RBFOX2: variants seen among roughly 807,000 people sequenced by gnomAD.
RBFOX2 encodes the protein RNA binding fox-1 homolog 2.
In RBFOX2, 10 loss-of-function variants were observed where a neutral mutation model predicts 49.1. That is an observed-to-expected ratio of 0.20 (90% CI 0.13 to 0.35). The LOEUF (loss-of-function observed/expected upper bound fraction) is 0.35, where lower values mean the gene tolerates loss of function less well. Among genes scored for constraint, RBFOX2 ranks in the 10% least tolerant of loss-of-function variants. RBFOX2 has a pLI of 1.00. For synonymous variants in RBFOX2, 183 were observed against 187.4 expected (o/e 0.98, Z 0.19); for missense variants, 323 against 486.9 (o/e 0.66, Z 3.17).
rs562271828 is a variant in RBFOX2, at chr22:36,009,295, G to A, written c.186+18945C>T. On this transcript the variant is annotated intron_variant, in intron 1 of 13. Coordinates refer to the RBFOX2 transcript ENST00000438146. ...ATCTCCATTTTACAAATAAAAAACT[G>A]AAGCACAGAGGGGCTAAGTAACTTG... 1.3e-4 allele frequency among the ~76,000 whole-genome samples: 20 copies of A among 152,272 alleles called. 1 individual carries two copies. The South Asian group carries it at 3.5e-3, about 27-fold the overall frequency.
rs1569470660 is a variant in RBFOX2 at position 35,897,915 on chromosome 22, T to C, written c.-34+40932A>G. 9.6e-6 allele frequency: 7 copies of C among 729,382 alleles called. No individual in the cohort carries two copies. The South Asian group carries it at 1.0e-4, about 11-fold the overall frequency. The allele number at this position is 729,382 out of a possible 1,614,324, so 45.2% of individuals were successfully genotyped here. A position where few individuals can be genotyped will look rare whatever the true frequency, so the allele number is the denominator to read the frequency against. ...CATTCAGATGTGCAACATGAATGAA[T>C]TTTCCAACTTCAGCTTCCTTGGACA... is the stretch of plus-strand genomic sequence containing the variant. On this transcript the variant is annotated intron_variant, in intron 1 of 13. Transcript: ENST00000359369.
At chr22:35,848,549 A>G (rs903258046) in intron 1 of RBFOX2, among the ~76,000 whole-genome samples, 3 of 152,180 alleles carry the variant, frequency 2.0e-5, no homozygotes, top group Non-Finnish European at 4.4e-5. Context: ...AACAGGCCCA[A>G]TCCAAAATAG....
At chr22:36,023,002 T>C (rs1434370416) in intron 1 of RBFOX2, among the ~76,000 whole-genome samples, 1 of 152,050 alleles carries the variant, frequency 6.6e-6, no homozygotes, top group East Asian at 1.9e-4. Flanking sequence ...CCAAGGACAC[T>C]GGGACAGGGA....
chr22:35,769,289 A>G (rs181974223), intron 4 of RBFOX2, among the ~76,000 whole-genome samples: 7 of 152,282 alleles, frequency 4.6e-5, no homozygotes, highest in African/African-American at 1.7e-4. Context: ...GAAAACAGCA[A>G]TGCAGCTGGT....
chr22:35,868,959 C>A lies in RBFOX2; in HGVS notation c.-33-58955G>T, dbSNP rs116103289. The stretch of plus-strand genomic sequence containing the variant: ...CCCCCAAGTCTACTTCCTAATGCTA[C>A]CTCTTTTGAATGTTTTCCTTTGGTT... On this transcript the variant is annotated intron_variant, in intron 1 of 13. Coordinates refer to the RBFOX2 transcript ENST00000359369. Among the ~76,000 whole-genome samples, 393 of 152,292 alleles carry A rather than the reference C, an allele frequency of 2.6e-3. 4 individuals are homozygous for A. Among genetic ancestry groups the A allele is most frequent in the African/African-American group, 9.2e-3 (384 of 41,550 alleles).
At chr22:35,798,676 A>T (rs939257248) in intron 2 of RBFOX2, among the ~76,000 whole-genome samples, 2 of 152,194 alleles carry the variant, frequency 1.3e-5, no homozygotes, top group African/African-American at 4.8e-5. Flanking sequence ...ACTATTAAGT[A>T]GTTATTGCCC....
At chr22:35,790,931 A>C (rs1340983723) in intron 2 of RBFOX2, among the ~76,000 whole-genome samples, 1 of 151,764 alleles carries the variant, frequency 6.6e-6, no homozygotes, top group East Asian at 1.9e-4. Flanking sequence ...TCAATTGAGC[A>C]TGAGAGGTCA....
chr22:35,880,856 G>A (rs578133486), intron 1 of RBFOX2, among the ~76,000 whole-genome samples: 5 of 152,268 alleles, frequency 3.3e-5, no homozygotes, highest in African/African-American at 1.2e-4. Flanking sequence ...AGGAAGAAAG[G>A]AGGGATAGGC....
At chr22:35,748,812 T>C (rs1163748644) in intron 9 of RBFOX2, among the ~76,000 whole-genome samples, 3 of 152,174 alleles carry the variant, frequency 2.0e-5, no homozygotes, top group Non-Finnish European at 4.4e-5. Context: ...ACGGCAGAGG[T>C]ATAAATTCTT....
chr22:35,897,435 C>T (rs772970296), intron 1 of RBFOX2: 17 of 855,872 alleles, frequency 2.0e-5, no homozygotes, highest in Admixed American at 6.8e-5. Context: ...GATGTGAATA[C>T]GCTCCACTTT....
intron 1 of RBFOX2, chr22:35,897,546 G>A (rs1182688608): frequency 1.2e-6 from 1 of 859,576 alleles, no homozygotes; most frequent in Non-Finnish European, 2.0e-6. Context: ...GTACCCCTTT[G>A]CTGTGAGCCA....
At chr22:35,768,566 G>A (rs1412818478) in intron 4 of RBFOX2, among the ~76,000 whole-genome samples, 1 of 152,002 alleles carries the variant, frequency 6.6e-6, no homozygotes, top group Non-Finnish European at 1.5e-5. Context: ...ATAATTAACA[G>A]CAATGTAACA....
rs987198864 is a variant in RBFOX2 at position 35,792,362 on chromosome 22, A to G, written c.253-10616T>C. On this transcript the variant is annotated intron_variant, in intron 2 of 11. Transcript: ENST00000405409. The stretch of plus-strand genomic sequence containing the variant: ...AAAGAAAAGAAAAGAAAAGAAAAGA[A>G]AAGAAAAAGAAAAAGAAATTAGGCA... Among the ~76,000 whole-genome samples the G allele has an allele frequency of 5.4e-5, 8 of 148,464 alleles. No homozygotes were observed. The South Asian group carries it at 6.3e-4, about 12-fold the overall frequency.
At chr22:35,970,435 G>A (rs1315727721) in intron 1 of RBFOX2, among the ~76,000 whole-genome samples, 1 of 151,720 alleles carries the variant, frequency 6.6e-6, no homozygotes, top group Non-Finnish European at 1.5e-5. Flanking sequence ...GACTGCTCAA[G>A]GTCAGGAGCT....
chr22:35,984,547 T>C (rs2057611810), intron 1 of RBFOX2, among the ~76,000 whole-genome samples: 1 of 152,192 alleles, frequency 6.6e-6, no homozygotes, highest in Non-Finnish European at 1.5e-5. Flanking sequence ...CTATAAATCA[T>C]TAATGATAAT....
chr22:35,959,759 T>C (rs2055994475), intron 1 of RBFOX2, among the ~76,000 whole-genome samples: 1 of 152,210 alleles, frequency 6.6e-6, no homozygotes, highest in Non-Finnish European at 1.5e-5. Flanking sequence ...TTCAGTAGTG[T>C]CTGGAATGAG....
chr22:35,901,187 A>G (rs558170382), intron 1 of RBFOX2, among the ~76,000 whole-genome samples: 2 of 152,378 alleles, frequency 1.3e-5, no homozygotes, highest in African/African-American at 4.8e-5. Flanking sequence ...GCTAGTGAAT[A>G]AAGAGCCAAA....
intron 1 of RBFOX2, chr22:35,996,410 T>C (rs2058193507): frequency 6.6e-6 from 1 of 152,152 alleles, no homozygotes; most frequent in Non-Finnish European, 1.5e-5. Flanking sequence ...AGCCAGGAGT[T>C]CAAGACCAGC....
intron 2 of RBFOX2, among the ~76,000 whole-genome samples, chr22:35,797,506 T>C (rs572596286): frequency 6.6e-6 from 1 of 152,334 alleles, no homozygotes; most frequent in South Asian, 2.1e-4. Flanking sequence ...AAATTAATAC[T>C]TTTTACTGCT....
Sources: allele counts gnomAD v4.1 joint callset (sites outside exome capture counted in the v4.1 genomes callset), GRCh38; gene constraint gnomAD v4.1.1; transcripts MANE v1.5; gene names NCBI Gene and HGNC (gene_info 2026-07-23, HGNC 2026-07-21).